Variants in COL21A1 observed in about 807,000 individuals in gnomAD.
The protein encoded by COL21A1 is collagen type XXI alpha 1 chain, also known as collagen alpha-1(XXI) chain.
COL21A1 carries 149 observed loss-of-function variants against 137.9 expected under a neutral mutation model. The observed-to-expected ratio is 1.08, with a 90% CI of 0.95 to 1.24. The LOEUF (loss-of-function observed/expected upper bound fraction) is 1.24, where lower values mean the gene tolerates loss of function less well. COL21A1 is among the 50% of genes most tolerant of loss of function. The pLI is 0.00. For missense variants in COL21A1, 1,167 were observed against 1,158.4 expected (o/e 1.01, Z -0.11); for synonymous variants, 456 against 391.5 (o/e 1.16, Z -1.95).
At chr6:56,268,210 G>T (rs891870064) in intron 1 of COL21A1, among the ~76,000 whole-genome samples, 12 of 152,192 alleles carry the variant, frequency 7.9e-5, no homozygotes, top group African/African-American at 2.4e-4. Context: ...CAGGAGCAGG[G>T]CATGCTTCCA....
At chr6:56,193,135 G>T (rs1233492651) in intron 1 of COL21A1, among the ~76,000 whole-genome samples, 1 of 152,036 alleles carries the variant, frequency 6.6e-6, no homozygotes, top group Non-Finnish European at 1.5e-5. Flanking sequence ...ATGGACCCAG[G>T]GAGGGTAATA....
At chr6:56,077,714 T>A (rs1414110390) in intron 17 of COL21A1, 141 bp from the exon 18 acceptor site, 4 of 558,150 alleles carry the variant, frequency 7.2e-6, no homozygotes, top group Non-Finnish European at 1.2e-5. Flanking sequence ...CTATTTGTAA[T>A]AATCCAATAT....
At chr6:56,171,478 C>G (rs550168676) in intron 3 of COL21A1, among the ~76,000 whole-genome samples, 1 of 151,784 alleles carries the variant, frequency 6.6e-6, no homozygotes, top group Non-Finnish European at 1.5e-5. Flanking sequence ...AACAATGGAA[C>G]AGGATTTATC....
chr6:56,093,607 GA>G (rs1284782832), intron 17 of COL21A1, among the ~76,000 whole-genome samples: 2 of 152,148 alleles, frequency 1.3e-5, no homozygotes, highest in African/African-American at 4.8e-5. Context: ...CTCTGGGCTT[GA>G]GGCCCTGCCA....
chr6:56,125,499 T>A lies in COL21A1; in HGVS notation c.1650+68A>T, dbSNP rs745437466. ...TTCTAATGCTGGGTTAGAACTGCAA[T>A]TCTAGTTTTCTGTTTCCATTACATT... On this transcript the variant is annotated intron_variant, in intron 14 of 29. Transcript: ENST00000244728. 3 of 1,115,916 alleles carry A rather than the reference T, an allele frequency of 2.7e-6. No individual in the cohort carries two copies. The South Asian group carries it at 4.3e-5, about 16-fold the overall frequency. 69.1% of individuals were successfully genotyped at this position (1,115,916 alleles called of 1,614,324 possible). A position where few individuals can be genotyped will look rare whatever the true frequency, so the allele number is the denominator to read the frequency against.
In COL21A1 at chr6:56,310,571, T is replaced by C. The variant is rs533497726; in HGVS notation, c.-39+83400A>G. ...TGATGTTGTATACCATAGTATTTAA[T>C]AGGACTATTACTGACTCATAATTTC... On this transcript the variant is annotated intron_variant, in intron 1 of 28. Coordinates refer to the COL21A1 transcript ENST00000370819. Among the ~76,000 whole-genome samples, 4 of 152,320 alleles carry C rather than the reference T, an allele frequency of 2.6e-5. No individual in the cohort carries two copies. In the East Asian group the frequency reaches 7.7e-4, roughly 29 times the overall value.
In COL21A1 at chr6:56,077,549, G is replaced by A. The variant is rs371319505; in HGVS notation, c.1837C>T (p.Arg613Ter). The A allele has an allele frequency of 1.9e-5, 30 of 1,575,598 alleles. No homozygotes were observed. The highest frequency in any genetic ancestry group is 2.7e-5 in the African/African-American group (2 of 73,184). The part of the protein sequence containing the change: ...EPGIPGFPGN[R>*]GLMGQKGEIG... ...CTTACCTTTTGGCCCATTAATCCTC[G>A]GTTTCCAGGAAATCCTGGGATTCCC... Residue 613 changes from arginine (R) to a stop codon, truncating the protein, a stop_gained, in exon 18 of 30, where the codon CGA becomes TGA. Transcript: ENST00000244728. LOFTEE classifies it high-confidence loss of function.
At chr6:56,309,273 C>T (rs1258657450) in intron 1 of COL21A1, among the ~76,000 whole-genome samples, 1 of 152,024 alleles carries the variant, frequency 6.6e-6, no homozygotes, top group African/African-American at 2.4e-5. Context: ...CTCCTGACCT[C>T]GTGATCTGCC....
At chr6:56,232,638 A>C (rs773164642) in intron 1 of COL21A1, among the ~76,000 whole-genome samples, 1 of 151,956 alleles carries the variant, frequency 6.6e-6, no homozygotes, top group Non-Finnish European at 1.5e-5. Context: ...TGAAAAACAG[A>C]CATTTCTCAA....
At chr6:56,061,786 G>C in intron 24 of COL21A1, 105 bp from the exon 25 acceptor site, 1 of 709,470 alleles carries the variant, frequency 1.4e-6, no homozygotes, top group South Asian at 2.5e-5. Flanking sequence ...ATTTCAATTT[G>C]GAAAATATTG....
chr6:56,261,050 C>CTCTTCTTTG lies in COL21A1; in HGVS notation c.-38-78395_-38-78394insCAAAGAAGA, dbSNP rs1763261296. On this transcript the variant is annotated intron_variant, in intron 1 of 28. Transcript: ENST00000370819. The stretch of plus-strand genomic sequence containing the variant: ...TTCTTCTGGTTCTTGGTTTTCTTGA[C>CTCTTCTTTG]ACTTCACTTTTTATAGAAAATAAGG... Among the ~76,000 whole-genome samples, 24 of 24,644 alleles carry CTCTTCTTTG rather than the reference C, an allele frequency of 9.7e-4. 1 individual carries two copies. In the Admixed American group the frequency reaches 0.012, roughly 12 times the overall value. 16.2% of individuals were successfully genotyped at this position (24,644 alleles called of 152,430 possible). A position where few individuals can be genotyped will look rare whatever the true frequency, so the allele number is the denominator to read the frequency against.
intron 10 of COL21A1, among the ~76,000 whole-genome samples, chr6:56,152,386 T>C (rs1775393003): frequency 6.6e-6 from 1 of 152,192 alleles, no homozygotes; most frequent in South Asian, 2.1e-4. Flanking sequence ...AAGTTCCTTT[T>C]GCATGTAAAG....
chr6:56,362,540 C>T (rs1765996956), intron 1 of COL21A1, among the ~76,000 whole-genome samples: 1 of 152,164 alleles, frequency 6.6e-6, no homozygotes, highest in African/African-American at 2.4e-5. Flanking sequence ...CTCAAAGTAG[C>T]AGTGGCCCCA....
At chr6:56,166,827 C>G (rs1776620581) in intron 7 of COL21A1, 79 bp downstream of exon 7, 4 of 1,017,290 alleles carry the variant, frequency 3.9e-6, no homozygotes, top group Admixed American at 2.0e-5. Context: ...AATTAATACT[C>G]AGATAGTATC....
Position 56,125,613 on chromosome 6 carries a change from A to C in COL21A1, c.1604T>G (p.Met535Arg). The C allele has an allele frequency of 6.3e-7, 1 of 1,583,882 alleles. No individual in the cohort carries two copies. Among genetic ancestry groups the C allele is most frequent in the Non-Finnish European group, 8.6e-7 (1 of 1,160,836 alleles). Residue 535 changes from methionine (M) to arginine (R), a missense_variant, in exon 14 of 30, where the codon ATG becomes AGG. Transcript: ENST00000244728. ...LHGMPGSKGE[M>R]GAKGDKGSPG... is the part of the protein sequence containing the mutation. Reference sequence around the variant, plus strand: ...TGATCCTTTGTCTCCTTTGGCACCCATTTCACCCTAAAAGACAAAATATAA... The same window carrying C: ...TGATCCTTTGTCTCCTTTGGCACCCCTTTCACCCTAAAAGACAAAATATAA...
At chr6:56,289,392 G>A in intron 1 of COL21A1, among the ~76,000 whole-genome samples, 1 of 152,178 alleles carries the variant, frequency 6.6e-6, no homozygotes, top group East Asian at 1.9e-4. Flanking sequence ...ATGTTGGCAA[G>A]CACTGAACTA....
rs372142811 is a variant in COL21A1 at position 56,281,663 on chromosome 6, G to A, written c.-38-99007C>T. On this transcript the variant is annotated intron_variant, in intron 1 of 28. Transcript: ENST00000370819. Reference sequence around the variant, plus strand: ...CTTTCTTTATCCCCATTAGCTTTGTGCTGCTAATCTGAAGCATCACTTCCA... The same window carrying A: ...CTTTCTTTATCCCCATTAGCTTTGTACTGCTAATCTGAAGCATCACTTCCA... 5.4e-4 allele frequency among the ~76,000 whole-genome samples: 82 copies of A among 152,250 alleles called. No homozygotes were observed. In the South Asian group the frequency reaches 0.017, roughly 31 times the overall value.
At chr6:56,170,937 T>C in intron 4 of COL21A1, 23 bp downstream of exon 4, 1 of 1,592,238 alleles carries the variant, frequency 6.3e-7, no homozygotes, top group Non-Finnish European at 8.5e-7. Flanking sequence ...CCCAAAAAAG[T>C]TGTGTCAACA....
intron 12 of COL21A1, among the ~76,000 whole-genome samples, chr6:56,131,332 T>C (rs75352107): frequency 6.6e-6 from 1 of 151,442 alleles, no homozygotes; most frequent in East Asian, 1.9e-4. Flanking sequence ...ATTGGAAGTA[T>C]TTGACAAGGT....
Sources: allele counts gnomAD v4.1 joint callset (sites outside exome capture counted in the v4.1 genomes callset), GRCh38; gene constraint gnomAD v4.1.1; transcripts MANE v1.5; gene names NCBI Gene and HGNC (gene_info 2026-07-23, HGNC 2026-07-21).